ERCC6L: variants seen among roughly 807,000 people sequenced by gnomAD.
The protein encoded by ERCC6L is DNA excision repair protein ERCC-6-like.
ERCC6L carries 7 observed loss-of-function variants against 20.1 expected under a neutral mutation model. The ratio of observed to expected loss-of-function variants is 0.35; its 90% CI spans 0.20 to 0.65. The LOEUF is 0.65. ERCC6L is among the 30% of genes least tolerant of loss of function. The pLI is 0.69. For missense variants in ERCC6L, 592 were observed against 892.4 expected, an observed-to-expected ratio of 0.66 and a Z score of 4.29; for synonymous variants, 278 against 331.3, an observed-to-expected ratio of 0.84 and a Z score of 1.75.
intron 1 of ERCC6L, among the ~76,000 whole-genome samples, chrX:72,231,679 G>A (rs952171812): frequency 5.4e-5 from 6 of 110,265 alleles, no homozygotes; most frequent in African/African-American, 2.0e-4. Flanking sequence ...TCTGCCTCCC[G>A]AGTAGCTGGG....
In ERCC6L at chrX:72,208,559, A is replaced by C. The variant is rs146213399; in HGVS notation, c.208T>G (p.Leu70Val). The change falls in exon 2 of 2, where the codon TTG becomes GTG. Residue 70 changes from leucine to valine, a missense_variant. Leu to Val is a conservative substitution (Grantham distance 32). Around this residue, in one of 3 missense-constraint regions of ERCC6L, gnomAD observed 44 missense variants for 49.8 expected, o/e 0.88. Coordinates refer to ENST00000334463, the MANE Select transcript of ERCC6L (RefSeq NM_017669.4). ...AATTCATCATCTCCCTGTTCTGCCA[A>C]CTCCTCCAAGGCTTCCTGTATTTTT... ...IQKIQEALEE[L>V]AEQGDDEFTD... 5.3e-5 allele frequency: 64 copies of C among 1,209,800 alleles called. No homozygotes were observed. Among genetic ancestry groups the C allele is most frequent in the Non-Finnish European group, 7.0e-5 (63 of 895,211 alleles).
At chrX:72,210,093 G>A (rs1160536058) in intron 1 of ERCC6L, among the ~76,000 whole-genome samples, 1 of 108,598 alleles carries the variant, frequency 9.2e-6, no homozygotes, top group Non-Finnish European at 1.9e-5. Flanking sequence ...GGCCGGGTGC[G>A]GTGGCTCATG....
chrX:72,207,509 G>A lies in ERCC6L; in HGVS notation c.1258C>T (p.Arg420Trp), dbSNP rs755486370. 53 of 1,208,472 alleles carry A rather than the reference G, an allele frequency of 4.4e-5. No homozygotes were observed. Among genetic ancestry groups the A allele is most frequent in the Non-Finnish European group, 5.3e-5 (47 of 894,263 alleles). ...LCDHPRLLSARACCLLNLGTF... is the reference protein window; with the variant it reads ...LCDHPRLLSAWACCLLNLGTF... ...CCAAGATTTAGCAAACAACAAGCCC[G>A]TGCAGACAGCAGCCTAGGATGATCA... Residue 420 changes from arginine (R) to tryptophan (W), a missense_variant, in exon 2 of 2, where the codon CGG (arginine) becomes TGG (tryptophan). By Grantham distance (101) the Arg-to-Trp change is moderately radical. This residue lies in a region of ERCC6L where 196 missense variants were observed against 440.1 expected (regional missense o/e 0.45). Transcript: ENST00000334463.
intron 1 of ERCC6L, among the ~76,000 whole-genome samples, chrX:72,237,071 G>T (rs1353423743): frequency 8.9e-6 from 1 of 112,210 alleles, no homozygotes. Flanking sequence ...TTCTTGAATG[G>T]CAATTTTAAA....
At chrX:72,235,190 T>C (rs2043009371) in intron 1 of ERCC6L, among the ~76,000 whole-genome samples, 1 of 111,835 alleles carries the variant, frequency 8.9e-6, no homozygotes, top group African/African-American at 3.3e-5. Flanking sequence ...CTCACTGGGC[T>C]AAAATTAAGG....
chrX:72,238,354 A>G (rs1012123631), intron 1 of ERCC6L, among the ~76,000 whole-genome samples: 35 of 111,792 alleles, frequency 3.1e-4, no homozygotes, highest in African/African-American at 1.1e-3. Flanking sequence ...GCCATCCCTT[A>G]GCTGACCACC....
In ERCC6L at chrX:72,205,198, T is replaced by A; in HGVS notation, c.3569A>T (p.Gln1190Leu). 2 of 1,211,737 alleles carry A rather than the reference T, an allele frequency of 1.7e-6. No homozygotes were observed. The highest frequency in any genetic ancestry group is 3.5e-5 in the South Asian group (2 of 56,938). ...ATTTGTAGCCTCTGCCGCCTTATCC[T>A]GGGGAGAACCAACCAACTGTTCACC... The part of the protein sequence containing the change: ...LSGEQLVGSP[Q>L]DKAAEATNDY... The change falls in exon 2 of 2, where the codon CAG becomes CTG. Residue 1190 changes from glutamine (Q) to leucine (L), a missense_variant. Physicochemically the swap from Gln to Leu is moderately radical, Grantham distance 113 (BLOSUM62 -2). Transcript: ENST00000334463.
At chrX:72,215,614 C>G (rs1436895669) in intron 1 of ERCC6L, among the ~76,000 whole-genome samples, 2 of 111,139 alleles carry the variant, frequency 1.8e-5, no homozygotes, top group Admixed American at 1.9e-4. Flanking sequence ...ACTGCTTTGC[C>G]AATAGACTGC....
At chrX:72,210,202 A>AAAAT (rs58086876) in intron 1 of ERCC6L, among the ~76,000 whole-genome samples, 15,378 of 97,047 alleles carry the variant, frequency 0.16, 1,241 homozygotes, top group African/African-American at 0.2. Flanking sequence ...TGTCTCTTAA[A>AAAAT]AAATAAATAA....
intron 1 of ERCC6L, among the ~76,000 whole-genome samples, chrX:72,229,312 C>T (rs775650285): frequency 3.6e-5 from 4 of 111,903 alleles, no homozygotes; most frequent in Non-Finnish European, 7.5e-5. Context: ...GGAGCATTTC[C>T]GCAACTGGCT....
chrX:72,225,005 A>G (rs1343103993), intron 1 of ERCC6L, among the ~76,000 whole-genome samples: 1 of 111,103 alleles, frequency 9.0e-6, no homozygotes, highest in Non-Finnish European at 1.9e-5. Flanking sequence ...TATTCTCCCA[A>G]TCAAAAAACC....
At chrX:72,225,109 T>A (rs925914003) in intron 1 of ERCC6L, among the ~76,000 whole-genome samples, 6 of 111,963 alleles carry the variant, frequency 5.4e-5, no homozygotes, top group African/African-American at 1.6e-4. Context: ...TACACCCTCC[T>A]ATTGCAAATT....
chrX:72,228,200 T>C (rs777421131), intron 1 of ERCC6L, among the ~76,000 whole-genome samples: 1 of 112,469 alleles, frequency 8.9e-6, no homozygotes, highest in South Asian at 3.7e-4. Flanking sequence ...GTCTCCTTTG[T>C]TCGGTGTACT....
intron 1 of ERCC6L, among the ~76,000 whole-genome samples, chrX:72,211,077 CCACTTAACTTCTAAT>C: frequency 9.0e-6 from 1 of 111,496 alleles, no homozygotes; most frequent in East Asian, 2.8e-4. Context: ...TTTGATTTAG[CCACTTAACTTCTAAT>C]CACTTCCATT....
chrX:72,208,169 T>A lies in ERCC6L; in HGVS notation c.598A>T (p.Thr200Ser). Residue 200 changes from threonine to serine, a missense_variant, in exon 2 of 2, where the codon ACT (threonine) becomes TCT (serine). By Grantham distance (58) the Thr-to-Ser change is moderately conservative. This residue lies in a region of ERCC6L where 196 missense variants were observed against 440.1 expected (regional missense o/e 0.45). Coordinates refer to ENST00000334463, the MANE Select transcript of ERCC6L (RefSeq NM_017669.4). ...TTATTGATTAACATTTGGTATGTAG[T>A]GATAATAACACCATTCCTTTGCTGA... ...RIQQRNGVII[T>S]TYQMLINNWQ... 1 of 1,211,914 alleles carries A rather than the reference T, an allele frequency of 8.3e-7. No individual in the cohort carries two copies. Among genetic ancestry groups the A allele is most frequent in the Non-Finnish European group, 1.1e-6 (1 of 895,556 alleles).
Position 72,205,864 on chromosome X carries a change from G to C in ERCC6L, c.2903C>G (p.Ser968Cys). 8.3e-7 allele frequency: 1 copy of C among 1,211,551 alleles called. No homozygotes were observed. The highest frequency in any genetic ancestry group is 1.1e-6 in the Non-Finnish European group (1 of 895,471). ...EDSADNRQNF[S>C]SQSLEHVEKE... ...CTCAACATGCTCTAAAGACTGACTG[G>C]AAAAATTTTGTCTGTTGTCTGCTGA... The change falls in exon 2 of 2, where the codon TCC becomes TGC. Residue 968 changes from serine to cysteine, a missense_variant. Transcript: ENST00000334463.
intron 1 of ERCC6L, among the ~76,000 whole-genome samples, chrX:72,221,310 T>A (rs1427150213): frequency 1.8e-5 from 2 of 111,946 alleles, no homozygotes; most frequent in African/African-American, 6.5e-5. Flanking sequence ...TTTCTCACGG[T>A]ACCAGGAAAA....
rs781440105 is a variant in ERCC6L at position 72,205,126 on chromosome X, CCA to C, written c.3639_3640del (p.Cys1213TrpfsTer12). On this transcript the variant is annotated frameshift_variant, in exon 2 of 2. Transcript: ENST00000334463. LOFTEE classifies it high-confidence loss of function. ...GCAGTTTAGGGCCTCCTGGATTTTT[CCA>C]CACTCTTTTAGTTCTTTTCCACGCT... 4 of 1,211,484 alleles carry C rather than the reference CCA, an allele frequency of 3.3e-6. No individual in the cohort carries two copies. The highest frequency in any genetic ancestry group is 2.2e-5 in the Admixed American group (1 of 45,966).
At position 72,205,167 on chromosome X, in the gene ERCC6L, A is replaced by G. The variant is rs142684980; in HGVS notation, c.3600T>C (p.Tyr1200=). The change falls in exon 2 of 2, where the codon TAT becomes TAC. Residue 1200 remains tyrosine, a synonymous_variant. Coordinates refer to ENST00000334463, the MANE Select transcript of ERCC6L (RefSeq NM_017669.4). ...QDKAAEATND[Y]ETLVKRGKEL... Reference sequence around the variant, plus strand: ...CTTTTCCACGCTTTACAAGAGTCTCATAGTCATTTGTAGCCTCTGCCGCCT... The same window carrying G: ...CTTTTCCACGCTTTACAAGAGTCTCGTAGTCATTTGTAGCCTCTGCCGCCT... 1.9e-4 allele frequency: 233 copies of G among 1,209,395 alleles called. 2 individuals are homozygous for G. The highest frequency in any genetic ancestry group is 2.5e-4 in the Non-Finnish European group (221 of 894,853).
Sources: allele counts gnomAD v4.1 joint callset (sites outside exome capture counted in the v4.1 genomes callset), GRCh38; gene constraint gnomAD v4.1.1; regional missense constraint gnomAD v4.1.1; transcripts MANE v1.5; gene names NCBI Gene and HGNC (gene_info 2026-07-23, HGNC 2026-07-21).